The following C12orf56 variants were observed in gnomAD, a reference collection of about 807,000 sequenced individuals.
The protein encoded by C12orf56 is uncharacterized protein C12orf56.
Under a neutral mutation model 69.9 loss-of-function variants are expected in C12orf56, and 71 were observed. The observed-to-expected ratio is 1.02, with a 90% CI of 0.84 to 1.24. The LOEUF is 1.24. C12orf56 is among the 50% of genes most tolerant of loss of function. C12orf56 has a pLI of 0.00. For synonymous variants in C12orf56, 276 were observed against 274.1 expected (o/e 1.01, Z -0.07); for missense variants, 732 against 738.5 (o/e 0.99, Z 0.10).
intron 8 of C12orf56, 90 bp from the exon 9 acceptor site, chr12:64,277,893 GT>G: frequency 9.1e-7 from 1 of 1,098,040 alleles, no homozygotes; most frequent in East Asian, 2.9e-5. Context: ...ATATAATTAT[GT>G]TTAAAAGAAT....
intron 1 of C12orf56, among the ~76,000 whole-genome samples, chr12:64,360,338 T>C (rs1427200243): frequency 6.6e-6 from 1 of 152,006 alleles, no homozygotes; most frequent in Admixed American, 6.6e-5. Flanking sequence ...GGCAGGAGAA[T>C]CGCTTGAACC....
At chr12:64,381,011 G>T (rs1053487810) in intron 1 of C12orf56, among the ~76,000 whole-genome samples, 1 of 152,162 alleles carries the variant, frequency 6.6e-6, no homozygotes, top group Non-Finnish European at 1.5e-5. Flanking sequence ...CAAGACAGGG[G>T]AATTGCAATA....
At chr12:64,375,444 T>G (rs990930819) in intron 1 of C12orf56, among the ~76,000 whole-genome samples, 1 of 152,180 alleles carries the variant, frequency 6.6e-6, no homozygotes, top group Non-Finnish European at 1.5e-5. Context: ...TTATTCAAGT[T>G]CAAAATGGGT....
chr12:64,362,309 G>C (rs1187603461), intron 1 of C12orf56, among the ~76,000 whole-genome samples: 1 of 152,098 alleles, frequency 6.6e-6, no homozygotes, highest in African/African-American at 2.4e-5. Context: ...AAGTGGTCTC[G>C]ATACAGAACC....
At chr12:64,363,065 G>A (rs2039419139) in intron 1 of C12orf56, among the ~76,000 whole-genome samples, 1 of 152,146 alleles carries the variant, frequency 6.6e-6, no homozygotes, top group Non-Finnish European at 1.5e-5. Flanking sequence ...TCTGTCTCAT[G>A]CTGTGACTTA....
chr12:64,358,486 ATCATCATCATC>A lies in C12orf56; in HGVS notation c.253-5441_253-5431del, dbSNP rs2039353574. Among the ~76,000 whole-genome samples, 107 of 145,494 alleles carry A rather than the reference ATCATCATCATC, an allele frequency of 7.4e-4. 1 individual carries two copies. The highest frequency in any genetic ancestry group is 2.5e-3 in the South Asian group (11 of 4,414). On this transcript the variant is annotated intron_variant, in intron 1 of 12. Coordinates refer to ENST00000543942, the MANE Select transcript of C12orf56 (RefSeq NM_001170633.2). ...AGTAATAATAATAATAATAATAATC[ATCATCATCATC>A]ATCATCATCATCTTGGCCAGGCATG...
intron 1 of C12orf56, among the ~76,000 whole-genome samples, chr12:64,367,587 C>A (rs1375838680): frequency 4.6e-5 from 7 of 150,652 alleles, no homozygotes; most frequent in South Asian, 4.2e-4. Flanking sequence ...CTCACTGCAA[C>A]CTTTGCCTCC....
At chr12:64,367,703 C>G (rs1447784300) in intron 1 of C12orf56, among the ~76,000 whole-genome samples, 1 of 151,308 alleles carries the variant, frequency 6.6e-6, no homozygotes, top group Non-Finnish European at 1.5e-5. Context: ...GGGATTTCAC[C>G]ATGTTGGCCA....
intron 6 of C12orf56, among the ~76,000 whole-genome samples, chr12:64,288,782 G>A (rs1328550560): frequency 6.7e-6 from 1 of 150,150 alleles, no homozygotes; most frequent in African/African-American, 2.4e-5. Context: ...GTCAGGTAGT[G>A]TGATGCCTCC....
chr12:64,277,630 C>A (rs1383304598), intron 9 of C12orf56, 50 bp downstream of exon 9: 2 of 818,140 alleles, frequency 2.4e-6, no homozygotes, highest in East Asian at 1.1e-4. Context: ...AAGCCAGGGC[C>A]CCTATATATA....
At chr12:64,326,900 T>C (rs1402876349) in intron 3 of C12orf56, among the ~76,000 whole-genome samples, 3 of 152,226 alleles carry the variant, frequency 2.0e-5, no homozygotes, top group Non-Finnish European at 4.4e-5. Context: ...TATGGCAGTA[T>C]TGAGTGGTGA....
At chr12:64,349,841 C>T (rs1423490436) in intron 2 of C12orf56, among the ~76,000 whole-genome samples, 3 of 152,160 alleles carry the variant, frequency 2.0e-5, no homozygotes, top group South Asian at 4.1e-4. Flanking sequence ...CGCCTGTAAT[C>T]CTGACACTTT....
At chr12:64,306,008 A>G (rs2038507505) in intron 5 of C12orf56, among the ~76,000 whole-genome samples, 1 of 152,204 alleles carries the variant, frequency 6.6e-6, no homozygotes, top group South Asian at 2.1e-4. Flanking sequence ...AACAAAAATA[A>G]ACTGTTTTTA....
chr12:64,348,068 C>T (rs1256968290), intron 2 of C12orf56, among the ~76,000 whole-genome samples: 1 of 151,984 alleles, frequency 6.6e-6, no homozygotes, highest in Non-Finnish European at 1.5e-5. Flanking sequence ...CACCTGAAGA[C>T]AGGGGTTGGA....
intron 2 of C12orf56, among the ~76,000 whole-genome samples, chr12:64,346,942 C>CTA (rs932982925): frequency 5.9e-5 from 9 of 151,564 alleles, no homozygotes; most frequent in East Asian, 3.9e-4. Context: ...ATACCTATAT[C>CTA]TATATATATA....
At chr12:64,298,004 A>G (rs1592430239) in intron 6 of C12orf56, among the ~76,000 whole-genome samples, 1 of 152,196 alleles carries the variant, frequency 6.6e-6, no homozygotes, top group South Asian at 2.1e-4. Flanking sequence ...TCCCACCAAC[A>G]GTGTAAAAGC....
chr12:64,282,536 G>A (rs1004680092), intron 8 of C12orf56, among the ~76,000 whole-genome samples: 2 of 14,886 alleles, frequency 1.3e-4, no homozygotes, highest in African/African-American at 1.5e-4. Flanking sequence ...GCACTTTGGG[G>A]GTAAGAGGGG....
Position 64,303,292 on chromosome 12 carries a change from A to G in C12orf56, c.1113+343T>C, listed in dbSNP as rs375935073. Among the ~76,000 whole-genome samples, 8 of 150,632 alleles carry G rather than the reference A, an allele frequency of 5.3e-5. No homozygotes were observed. The East Asian group carries it at 1.2e-3, about 22-fold the overall frequency. On this transcript the variant is annotated intron_variant, in intron 6 of 12. Transcript: ENST00000543942. The stretch of plus-strand genomic sequence containing the variant: ...TGTCTCAAAAAAATAAAAAATAAAC[A>G]AAAACTTCTTAAAATCTACTTTCCC...
At chr12:64,329,559 G>A (rs2038900082) in intron 3 of C12orf56, among the ~76,000 whole-genome samples, 2 of 150,148 alleles carry the variant, frequency 1.3e-5, no homozygotes, top group South Asian at 4.2e-4. Flanking sequence ...AAGTTTTAGG[G>A]TACATGTGCA....
Sources: allele counts gnomAD v4.1 joint callset (sites outside exome capture counted in the v4.1 genomes callset), GRCh38; gene constraint gnomAD v4.1.1; transcripts MANE v1.5; gene names NCBI Gene and HGNC (gene_info 2026-07-23, HGNC 2026-07-21).